Variants in GPR107 observed in about 807,000 individuals in gnomAD.
The protein encoded by GPR107 is G protein-coupled receptor 107.
Under a neutral mutation model 75.5 loss-of-function variants are expected in GPR107, and 31 were observed. The observed-to-expected ratio is 0.41, with a 90% CI of 0.31 to 0.55. The LOEUF (loss-of-function observed/expected upper bound fraction) is 0.55. GPR107 is among the 20% of genes least tolerant of loss of function. The pLI, the probability that GPR107 is intolerant of heterozygous loss-of-function variation, is 0.26. For missense variants in GPR107, 572 were observed against 665.7 expected, an observed-to-expected ratio of 0.86 and a Z score of 1.55; for synonymous variants, 267 against 251.3, an observed-to-expected ratio of 1.06 and a Z score of -0.59.
At chr9:130,090,675 G>A (rs1461218861) in intron 7 of GPR107, among the ~76,000 whole-genome samples, 10 of 152,132 alleles carry the variant, frequency 6.6e-5, no homozygotes, top group Non-Finnish European at 1.3e-4. Flanking sequence ...AAACTCTGCC[G>A]TGGGAGAGTC....
At chr9:130,091,414 G>C (rs1302413413) in intron 8 of GPR107, among the ~76,000 whole-genome samples, 4 of 151,944 alleles carry the variant, frequency 2.6e-5, no homozygotes, top group African/African-American at 9.7e-5. Context: ...CCAGGAGGCA[G>C]AGGTTACAGT....
chr9:130,055,926 G>A (rs531429142), intron 1 of GPR107, among the ~76,000 whole-genome samples: 33 of 152,134 alleles, frequency 2.2e-4, no homozygotes, highest in African/African-American at 7.7e-4. Context: ...CAGTCGGGGC[G>A]AAAGAACTAT....
chr9:130,107,630 T>C, intron 14 of GPR107, 91 bp downstream of exon 14: 1 of 864,920 alleles, frequency 1.2e-6, no homozygotes. Context: ...GCCTATGGTG[T>C]CAAGATGCTG....
intron 1 of GPR107, among the ~76,000 whole-genome samples, chr9:130,067,565 GTTC>G (rs1305788104): frequency 6.6e-6 from 1 of 152,062 alleles, no homozygotes; most frequent in African/African-American, 2.4e-5. Context: ...CTTCTGTGTA[GTTC>G]TTCTCTCACT....
intron 7 of GPR107, among the ~76,000 whole-genome samples, chr9:130,087,748 G>C (rs1476842905): frequency 6.9e-6 from 1 of 144,032 alleles, no homozygotes; most frequent in Non-Finnish European, 1.5e-5. Flanking sequence ...GGTTCACACA[G>C]TGAACCTCGA....
At chr9:130,072,484 G>T (rs1830233607) in intron 1 of GPR107, among the ~76,000 whole-genome samples, 1 of 152,030 alleles carries the variant, frequency 6.6e-6, no homozygotes, top group African/African-American at 2.4e-5. Context: ...CTCCCAAAGT[G>T]CCGGGATTAC....
At chr9:130,108,992 CTTTTTTTTTTTTT>C (rs11316244) in intron 14 of GPR107, among the ~76,000 whole-genome samples, 17 of 66,056 alleles carry the variant, frequency 2.6e-4, no homozygotes, top group East Asian at 1.1e-3. Flanking sequence ...TGGGGATATT[CTTTTTTTTTTTTT>C]TTTTTTTTTT....
At chr9:130,116,244 G>A (rs533789788) in intron 14 of GPR107, among the ~76,000 whole-genome samples, 5 of 152,302 alleles carry the variant, frequency 3.3e-5, no homozygotes, top group South Asian at 4.1e-4. Context: ...TTAGTGGTCC[G>A]TGGTGGCAGA....
intron 15 of GPR107, among the ~76,000 whole-genome samples, chr9:130,125,297 G>A (rs538793023): frequency 6.6e-6 from 1 of 151,630 alleles, no homozygotes; most frequent in Non-Finnish European, 1.5e-5. Context: ...GGCCAGGCTA[G>A]TCTCAAACTC....
intron 9 of GPR107, 135 bp from the exon 10 acceptor site, chr9:130,099,322 A>AT: frequency 1.7e-6 from 1 of 605,722 alleles, no homozygotes; most frequent in Non-Finnish European, 2.9e-6. Flanking sequence ...CTCAAAAAAA[A>AT]AAAAAAGTTT....
At chr9:130,086,123 T>G (rs1412985791) in intron 6 of GPR107, among the ~76,000 whole-genome samples, 1 of 152,066 alleles carries the variant, frequency 6.6e-6, no homozygotes, top group Non-Finnish European at 1.5e-5. Flanking sequence ...TCAGCACCCT[T>G]AGTCTGACTG....
chr9:130,108,732 G>A, intron 14 of GPR107: 1 of 456,032 alleles, frequency 2.2e-6, no homozygotes, highest in South Asian at 1.5e-5. Context: ...CCTGGGAATA[G>A]CCCTTCTCCC....
intron 1 of GPR107, among the ~76,000 whole-genome samples, chr9:130,063,626 T>G (rs1407238811): frequency 6.6e-6 from 1 of 152,186 alleles, no homozygotes; most frequent in East Asian, 1.9e-4. Context: ...TTTGGTGGCA[T>G]GTATGCCAGT....
At chr9:130,073,942 G>C (rs1055789957) in intron 1 of GPR107, among the ~76,000 whole-genome samples, 3 of 152,122 alleles carry the variant, frequency 2.0e-5, no homozygotes, top group African/African-American at 7.2e-5. Context: ...ATTTTTAGTA[G>C]AGACAGGGTT....
chr9:130,056,635 C>A (rs1274318758), intron 1 of GPR107, among the ~76,000 whole-genome samples: 1 of 151,224 alleles, frequency 6.6e-6, no homozygotes, highest in Non-Finnish European at 1.5e-5. Flanking sequence ...TAAGAAAGTT[C>A]ACAAATTTGG....
At chr9:130,124,726 C>G (rs1168930198) in intron 14 of GPR107, among the ~76,000 whole-genome samples, 189 bp from the exon 15 acceptor site, 1 of 152,198 alleles carries the variant, frequency 6.6e-6, no homozygotes, top group African/African-American at 2.4e-5. Flanking sequence ...CTGTGCTGCT[C>G]CCACATTTTT....
intron 14 of GPR107, among the ~76,000 whole-genome samples, chr9:130,122,257 G>A (rs942531027): frequency 2.0e-5 from 3 of 152,114 alleles, no homozygotes; most frequent in Admixed American, 2.0e-4. Flanking sequence ...GTGAAGAATC[G>A]AGTGTTCATG....
intron 1 of GPR107, among the ~76,000 whole-genome samples, chr9:130,072,522 A>G (rs1202683625): frequency 6.6e-6 from 1 of 151,568 alleles, no homozygotes; most frequent in African/African-American, 2.4e-5. Flanking sequence ...CCCGGCCTTG[A>G]TCTCGAACTC....
At chr9:130,132,823 A>ACATATT (rs1554899344) in intron 17 of GPR107, among the ~76,000 whole-genome samples, 1 of 89,298 alleles carries the variant, frequency 1.1e-5, no homozygotes, top group African/African-American at 4.2e-5. Context: ...ATATATTTTT[A>ACATATT]TATATTTATA....
Sources: gnomAD v4.1 joint callset for allele counts (sites outside exome capture counted in the v4.1 genomes callset) on GRCh38, gnomAD v4.1.1 for gene constraint, MANE v1.5 for transcripts, NCBI Gene and HGNC (gene_info 2026-07-23, HGNC 2026-07-21) for gene names.